Variants in FMNL3 observed in about 807,000 individuals in gnomAD.
The protein encoded by FMNL3 is formin like 3, also known as formin-like protein 3.
FMNL3 carries 57 observed loss-of-function variants against 119.6 expected under a neutral mutation model. The observed-to-expected ratio is 0.48, with a 90% CI of 0.39 to 0.59. The LOEUF is 0.59. Among genes scored for constraint, FMNL3 ranks in the 20% least tolerant of loss-of-function variants. The pLI, the probability that FMNL3 is intolerant of heterozygous loss-of-function variation, is 0.00. For synonymous variants in FMNL3, 491 were observed against 507.3 expected, an observed-to-expected ratio of 0.97 and a Z score of 0.43; for missense variants, 1,053 against 1,323.5, an observed-to-expected ratio of 0.80 and a Z score of 3.17.
chr12:49,662,750 A>C (rs1943771682), intron 4 of FMNL3, among the ~76,000 whole-genome samples: 1 of 152,190 alleles, frequency 6.6e-6, no homozygotes, highest in South Asian at 2.1e-4. Context: ...GTAGACAACA[A>C]AGCACCTAAG....
intron 1 of FMNL3, among the ~76,000 whole-genome samples, chr12:49,678,346 C>G (rs150470006): frequency 0.015 from 2,310 of 149,922 alleles, 191 homozygotes; most frequent in Admixed American, 0.14. Flanking sequence ...TTAGTAGAGA[C>G]AGGGTTTCAC....
At chr12:49,685,463 AAAT>A (rs944332349) in intron 1 of FMNL3, among the ~76,000 whole-genome samples, 104 of 152,022 alleles carry the variant, frequency 6.8e-4, no homozygotes, top group African/African-American at 2.3e-3. Context: ...CTCTGTCTCA[AAAT>A]AATAATAATA....
chr12:49,684,421 T>C (rs1213854913), intron 1 of FMNL3, among the ~76,000 whole-genome samples: 1 of 152,204 alleles, frequency 6.6e-6, no homozygotes, highest in East Asian at 1.9e-4. Context: ...TGACACCAAC[T>C]TGACATTTCC....
intron 5 of FMNL3, 30 bp downstream of exon 5, chr12:49,661,936 C>A: frequency 6.2e-7 from 1 of 1,604,452 alleles, no homozygotes; most frequent in South Asian, 1.1e-5. Flanking sequence ...CCCAACTGGT[C>A]CCCAACTTCA....
At position 49,649,533 on chromosome 12, in the gene FMNL3, G is replaced by C. The variant is rs780228040; in HGVS notation, c.2241C>G (p.Leu747=). The change falls in exon 19 of 26, where the codon CTC becomes CTG. Residue 747 remains leucine, a synonymous_variant. Coordinates refer to ENST00000335154, the MANE Select transcript of FMNL3 (RefSeq NM_175736.5). This position sits in a 1 kb window ranked among gnomAD's most constrained non-coding sequence, Gnocchi z 5.6. ...QDNLQMLTPQ[L]NAIIAASASV... The stretch of plus-strand genomic sequence containing the variant: ...AAGCGGACGCCGCAATGATGGCATT[G>C]AGTTGCTGTAGGACAATATGAACAC... 3.1e-6 allele frequency: 5 copies of C among 1,614,042 alleles called. No homozygotes were observed. In the East Asian group the frequency reaches 8.9e-5, roughly 29 times the overall value.
intron 1 of FMNL3, among the ~76,000 whole-genome samples, chr12:49,699,909 CAT>C (rs1261766824): frequency 6.6e-6 from 1 of 152,218 alleles, no homozygotes; most frequent in Non-Finnish European, 1.5e-5. Flanking sequence ...AAGGTAGACA[CAT>C]ATACTATCAG....
intron 4 of FMNL3, among the ~76,000 whole-genome samples, chr12:49,663,563 A>T (rs1943800241): frequency 6.6e-6 from 1 of 152,262 alleles, no homozygotes; most frequent in Admixed American, 6.5e-5. Context: ...TACCCAGAGA[A>T]GCCGCAGTTC....
In FMNL3 at chr12:49,643,824, C is replaced by T. The variant is rs746094212; in HGVS notation, c.*1991G>A. 1.5e-5 allele frequency: 25 copies of T among 1,614,016 alleles called. No individual in the cohort carries two copies. In the South Asian group the frequency reaches 2.7e-4, roughly 18 times the overall value. On this transcript the variant is annotated 3_prime_UTR_variant, in exon 26 of 26. Coordinates refer to ENST00000335154, the MANE Select transcript of FMNL3 (RefSeq NM_175736.5). ...TGTTCTACCTGCCTCCCAGGCTATC[C>T]ACAGGAACTGAGGAGGTGGGCTCTG...
rs780689981 is a variant in FMNL3, at chr12:49,643,039, C to G, written c.*2776G>C. 1 of 1,611,274 alleles carries G rather than the reference C, an allele frequency of 6.2e-7. No individual in the cohort carries two copies. The highest frequency in any genetic ancestry group is 1.1e-5 in the South Asian group (1 of 90,868). On this transcript the variant is annotated 3_prime_UTR_variant, in exon 26 of 26. Coordinates refer to ENST00000335154, the MANE Select transcript of FMNL3 (RefSeq NM_175736.5). ...TCAGTGAGTAAGCGTGTAGAAGGGACATGGGGTGAAGCTGGGTTGTTTTGG... is the reference window on the plus strand; with the variant it reads ...TCAGTGAGTAAGCGTGTAGAAGGGAGATGGGGTGAAGCTGGGTTGTTTTGG...
rs1943091710 is a variant in FMNL3 at position 49,644,733 on chromosome 12, C to A, written c.*1082G>T. On this transcript the variant is annotated 3_prime_UTR_variant, in exon 26 of 26. Transcript: ENST00000335154. ...CTGGACACATGCCCAGCAGAGGGCA[C>A]TAGTGTCTCATGGCAGGCCTGCTTC... The A allele has an allele frequency of 6.1e-6, 1 of 163,104 alleles. No homozygotes were observed. The highest frequency in any genetic ancestry group is 1.4e-5 in the Non-Finnish European group (1 of 73,380). 10.1% of individuals were successfully genotyped at this position (163,104 alleles called of 1,614,324 possible). A position where few individuals can be genotyped will look rare whatever the true frequency, so the allele number is the denominator to read the frequency against.
rs78621448 is a variant in FMNL3 at position 49,662,243 on chromosome 12, G to A, written c.369-194C>T. Among the ~76,000 whole-genome samples the A allele has an allele frequency of 5.9e-3, 893 of 152,290 alleles. 3 individuals carry two copies. The highest frequency in any genetic ancestry group is 9.6e-3 in the Non-Finnish European group (652 of 68,022). Reference sequence around the variant, plus strand: ...CCTAGGCAGGGAAGTCAGGGATGGGGAAAGTTCAGGCCCTTCTAATGCCAC... The same window carrying A: ...CCTAGGCAGGGAAGTCAGGGATGGGAAAAGTTCAGGCCCTTCTAATGCCAC... On this transcript the variant is annotated intron_variant, in intron 4 of 25. Transcript: ENST00000335154.
At chr12:49,687,369 G>A (rs1944493129) in intron 1 of FMNL3, among the ~76,000 whole-genome samples, 1 of 132,054 alleles carries the variant, frequency 7.6e-6, no homozygotes, top group South Asian at 2.2e-4. Context: ...TGGGATTACA[G>A]GCATGAGCCA....
intron 1 of FMNL3, among the ~76,000 whole-genome samples, chr12:49,679,599 T>A (rs1312605851): frequency 7.0e-6 from 1 of 142,764 alleles, no homozygotes. Flanking sequence ...AGATCTCGGC[T>A]CACTGCAGCC....
chr12:49,645,677 A>C lies in FMNL3; in HGVS notation c.*138T>G, dbSNP rs1592633217. 1.5e-6 allele frequency: 1 copy of C among 683,912 alleles called. No individual in the cohort carries two copies. The highest frequency in any genetic ancestry group is 2.9e-4 in the Middle Eastern group (1 of 3,424). 42.4% of individuals were successfully genotyped at this position (683,912 alleles called of 1,614,324 possible). On this transcript the variant is annotated 3_prime_UTR_variant, in exon 26 of 26. Transcript: ENST00000335154. Reference sequence around the variant, plus strand: ...AGTGCCCATAGTGGCACAAGTAGAAAGATCCAGCCTCAAGAGCTGGGGCGG... The same window carrying C: ...AGTGCCCATAGTGGCACAAGTAGAACGATCCAGCCTCAAGAGCTGGGGCGG...
At chr12:49,653,407 G>C (rs558410376) in intron 12 of FMNL3, 80 bp from the exon 13 acceptor site, 27 of 1,420,276 alleles carry the variant, frequency 1.9e-5, no homozygotes, top group Non-Finnish European at 2.7e-5. Context: ...GTCAAGACCT[G>C]AGTCGGACCC....
Position 49,644,194 on chromosome 12 carries a change from C to T in FMNL3, c.*1621G>A. Reference sequence around the variant, plus strand: ...CAGCAGCTGGATGATCACCAGTGACCCAATGAGCTGTTCTCTGCCTCGGGT... The same window carrying T: ...CAGCAGCTGGATGATCACCAGTGACTCAATGAGCTGTTCTCTGCCTCGGGT... On this transcript the variant is annotated 3_prime_UTR_variant, in exon 26 of 26. Transcript: ENST00000335154. 6.2e-7 allele frequency: 1 copy of T among 1,614,008 alleles called. No homozygotes were observed. The highest frequency in any genetic ancestry group is 8.5e-7 in the Non-Finnish European group (1 of 1,179,998).
At chr12:49,679,018 CAATAAT>C (rs1165218877) in intron 1 of FMNL3, among the ~76,000 whole-genome samples, 1 of 152,000 alleles carries the variant, frequency 6.6e-6, no homozygotes, top group African/African-American at 2.4e-5. Context: ...AGGATAATAA[CAATAAT>C]AACACTACTA....
chr12:49,672,147 GCTGT>G, intron 1 of FMNL3, among the ~76,000 whole-genome samples: 1 of 152,212 alleles, frequency 6.6e-6, no homozygotes, highest in South Asian at 2.1e-4. Context: ...TTGCTTCTAG[GCTGT>G]CTCTCTCTCT....
chr12:49,652,205 TA>T lies in FMNL3; in HGVS notation c.1330del (p.Tyr444MetfsTer46). ...GTGCACCTGGTGGCTTGTGTTCTCA[TA>T]TGTCTCCTGGCAGGCAGACAGCACC... Reference protein sequence around the residue: ...EKELESIKETYENTSHQVHTL... With the variant: ...EKELESIKETXENTSHQVHTL... On this transcript the variant is annotated frameshift_variant, in exon 14 of 26. Coordinates refer to ENST00000335154, the MANE Select transcript of FMNL3 (RefSeq NM_175736.5). LOFTEE classifies it high-confidence loss of function. The T allele has an allele frequency of 6.2e-7, 1 of 1,612,258 alleles. No homozygotes were observed. Among genetic ancestry groups the T allele is most frequent in the East Asian group, 2.2e-5 (1 of 44,852 alleles).
Sources: gnomAD v4.1 joint callset for allele counts (sites outside exome capture counted in the v4.1 genomes callset) on GRCh38, gnomAD v4.1.1 for gene constraint, Gnocchi (gnomAD v3.1) non-coding constraint, MANE v1.5 for transcripts, NCBI Gene and HGNC (gene_info 2026-07-23, HGNC 2026-07-21) for gene names.